The following EPHA10 variants were observed in gnomAD, a reference collection of about 807,000 sequenced individuals.
EPHA10 encodes ephrin type-A receptor 10.
Under a neutral mutation model 109.7 loss-of-function variants are expected in EPHA10, and 120 were observed. The observed-to-expected ratio is 1.09, with a 90% CI of 0.94 to 1.27. The LOEUF (loss-of-function observed/expected upper bound fraction) is 1.27, where lower values mean the gene tolerates loss of function less well. Among genes scored for constraint, EPHA10 ranks in the 50% most tolerant of loss-of-function variants. The pLI is 0.00. For synonymous variants in EPHA10, 640 were observed against 618.9 expected (o/e 1.03, Z -0.51); for missense variants, 1,396 against 1,411.1 (o/e 0.99, Z 0.17).
Position 37,720,838 on chromosome 1 carries a change from G to A in EPHA10, c.2153C>T (p.Thr718Ile). ...RLEGVVTRGS[T>I]LMIVTEYMSH... ...CATGTACTCGGTGACAATCATCAAG[G>A]TGCTTCCTGTGCCCAGGGATGGGAA... Residue 718 changes from threonine (T) to isoleucine (I), a missense_variant, in exon 12 of 17, where the codon ACC (threonine) becomes ATC (isoleucine). By Grantham distance (89) the Thr-to-Ile change is moderately conservative. Coordinates refer to ENST00000373048, the MANE Select transcript of EPHA10 (RefSeq NM_001099439.2). 6.2e-7 allele frequency: 1 copy of A among 1,614,070 alleles called. No homozygotes were observed. The highest frequency in any genetic ancestry group is 8.5e-7 in the Non-Finnish European group (1 of 1,180,016).
At chr1:37,742,627 G>C (rs1646172040) in intron 5 of EPHA10, among the ~76,000 whole-genome samples, 1 of 68,580 alleles carries the variant, frequency 1.5e-5, no homozygotes, top group Non-Finnish European at 3.3e-5. Flanking sequence ...GGACACTTTT[G>C]AGCTGCTGAA....
rs1163094308 is a variant in EPHA10, at chr1:37,753,130, C to A, written c.1103G>T (p.Arg368Leu). The change falls in exon 5 of 17, where the codon CGC becomes CTC. Residue 368 changes from arginine (R) to leucine (L), a missense_variant. Coordinates refer to ENST00000373048, the MANE Select transcript of EPHA10 (RefSeq NM_001099439.2). ...CAGCAGCGAGTAGGTGACGTCCGAG[C>A]GGCCTCCCGAGTCGGCCGGCGGCAG... ...RWLPPADSGGRSDVTYSLLCL... is the reference protein window; with the variant it reads ...RWLPPADSGGLSDVTYSLLCL... 2 of 1,404,820 alleles carry A rather than the reference C, an allele frequency of 1.4e-6. No homozygotes were observed. Among genetic ancestry groups the A allele is most frequent in the Admixed American group, 2.7e-5 (1 of 36,554 alleles). 87.0% of individuals were successfully genotyped at this position (1,404,820 alleles called of 1,614,324 possible).
At chr1:37,727,849 A>G (rs1557537181) in intron 7 of EPHA10, among the ~76,000 whole-genome samples, 2 of 152,172 alleles carry the variant, frequency 1.3e-5, no homozygotes. Context: ...TATTTCTCCA[A>G]GAGATCAGCC....
chr1:37,725,722 AG>A (rs1200634814), intron 8 of EPHA10, among the ~76,000 whole-genome samples: 2 of 151,968 alleles, frequency 1.3e-5, no homozygotes, highest in African/African-American at 2.4e-5. Flanking sequence ...GTGGAGATGA[AG>A]GGGGGAAGGC....
intron 7 of EPHA10, among the ~76,000 whole-genome samples, chr1:37,730,633 G>T (rs552473750): frequency 6.6e-6 from 1 of 152,056 alleles, no homozygotes; most frequent in African/African-American, 2.4e-5. Flanking sequence ...TTTGGTTTTG[G>T]TAACAGCTTT....
intron 3 of EPHA10, among the ~76,000 whole-genome samples, chr1:37,758,323 A>G (rs904869913): frequency 1.3e-5 from 2 of 152,082 alleles, no homozygotes; most frequent in Non-Finnish European, 2.9e-5. Context: ...TCTCCCATCT[A>G]TAATAAAAAT....
At chr1:37,758,978 G>A (rs1302045347) in intron 3 of EPHA10, among the ~76,000 whole-genome samples, 3 of 152,154 alleles carry the variant, frequency 2.0e-5, no homozygotes, top group Admixed American at 2.0e-4. Flanking sequence ...AAGTGCTGTG[G>A]ATGCTAACTC....
chr1:37,724,033 C>A (rs561569804), intron 8 of EPHA10, among the ~76,000 whole-genome samples: 2 of 152,368 alleles, frequency 1.3e-5, no homozygotes, highest in African/African-American at 4.8e-5. Flanking sequence ...GGGGTTGAAG[C>A]AGAGGAGTGC....
intron 5 of EPHA10, among the ~76,000 whole-genome samples, chr1:37,739,982 C>G (rs993027839): frequency 6.6e-6 from 1 of 151,792 alleles, no homozygotes; most frequent in African/African-American, 2.4e-5. Context: ...TGGTCCCAGA[C>G]ACGTGGGAGG....
chr1:37,743,507 G>T (rs1646186048), intron 5 of EPHA10, among the ~76,000 whole-genome samples: 1 of 152,134 alleles, frequency 6.6e-6, no homozygotes, highest in Non-Finnish European at 1.5e-5. Flanking sequence ...CAAACAGAAT[G>T]CAAAATGAAC....
rs1645764246 is a variant in EPHA10 at position 37,720,074 on chromosome 1, G to A, written c.2413-16C>T. On this transcript the variant is annotated splice_polypyrimidine_tract_variant and intron_variant, in intron 13 of 16. Coordinates refer to ENST00000373048, the MANE Select transcript of EPHA10 (RefSeq NM_001099439.2). ...TCCGGCCACTCTGTAGGGGCAGGCA[G>A]GTCAGGGGCAAGGAGGAACTGGGTG... The A allele has an allele frequency of 7.4e-6, 12 of 1,612,846 alleles. No homozygotes were observed. The highest frequency in any genetic ancestry group is 1.0e-5 in the Non-Finnish European group (12 of 1,179,820).
chr1:37,720,339 G>T lies in EPHA10; in HGVS notation c.2412+12C>A. On this transcript the variant is annotated intron_variant, in intron 13 of 16. Transcript: ENST00000373048. ...AGAAGGCACAGGCAGGCTTGGCTGG[G>T]GGCGCCCTCACCATAGTGGTGTAGA... The T allele has an allele frequency of 6.3e-7, 1 of 1,588,352 alleles. No individual in the cohort carries two copies. The highest frequency in any genetic ancestry group is 1.1e-5 in the South Asian group (1 of 88,530).
At chr1:37,741,136 G>A (rs2148345705) in intron 5 of EPHA10, among the ~76,000 whole-genome samples, 1 of 152,302 alleles carries the variant, frequency 6.6e-6, no homozygotes, top group South Asian at 2.1e-4. Context: ...GTTTCCCCGT[G>A]TGTAAAATGA....
At chr1:37,722,317 T>C (rs12123842) in intron 10 of EPHA10, 55,970 of 236,608 alleles carry the variant, frequency 0.24, 7,214 homozygotes, top group African/African-American at 0.31. Flanking sequence ...GGACAGGGCA[T>C]ATGCCAGCAC....
intron 10 of EPHA10, chr1:37,722,779 C>T (rs1397781403): frequency 1.7e-6 from 1 of 599,686 alleles, no homozygotes; most frequent in Non-Finnish European, 3.1e-6. Flanking sequence ...GACTAAACTG[C>T]CAGTGGCAGT....
chr1:37,761,168 T>C (rs1646426557), intron 3 of EPHA10: 1 of 1,427,610 alleles, frequency 7.0e-7, no homozygotes, highest in Admixed American at 2.9e-5. Flanking sequence ...GTGCCTAAGA[T>C]ATAGATCCCT....
chr1:37,761,252 A>C lies in EPHA10; in HGVS notation c.850+153T>G, dbSNP rs920955305. 15 of 1,504,130 alleles carry C rather than the reference A, an allele frequency of 1.0e-5. No homozygotes were observed. In the African/African-American group the frequency reaches 2.0e-4, roughly 20 times the overall value. 93.2% of individuals were successfully genotyped at this position (1,504,130 alleles called of 1,614,324 possible). ...CCTGACTGGACTCACTGGAAACTCCACAAGACTTCAGGGCTCTCCTTGGGC... is the reference window on the plus strand; with the variant it reads ...CCTGACTGGACTCACTGGAAACTCCCCAAGACTTCAGGGCTCTCCTTGGGC... On this transcript the variant is annotated intron_variant, in intron 3 of 16. Transcript: ENST00000373048.
intron 5 of EPHA10, among the ~76,000 whole-genome samples, chr1:37,743,289 T>C (rs988430513): frequency 1.3e-5 from 2 of 152,118 alleles, no homozygotes; most frequent in African/African-American, 4.8e-5. Flanking sequence ...TAAAACGCTC[T>C]GGCACTTTAA....
chr1:37,716,349 G>A lies in EPHA10; in HGVS notation c.*2023C>T. The A allele has an allele frequency of 4.1e-6, 1 of 241,314 alleles. No homozygotes were observed. The highest frequency in any genetic ancestry group is 1.5e-4 in the South Asian group (1 of 6,866). 14.9% of individuals were successfully genotyped at this position (241,314 alleles called of 1,614,324 possible). On this transcript the variant is annotated 3_prime_UTR_variant, in exon 17 of 17. Transcript: ENST00000373048. ...AGATTTTGCCCTGCAGAGAATGACT[G>A]ATGTAGCTGGAGATGAGGACGAGGC...
Sources: gnomAD v4.1 joint callset for allele counts (sites outside exome capture counted in the v4.1 genomes callset) on GRCh38, gnomAD v4.1.1 for gene constraint, MANE v1.5 for transcripts, NCBI Gene and HGNC (gene_info 2026-07-23, HGNC 2026-07-21) for gene names.